The following RNF13 variants were observed in gnomAD, a reference collection of about 807,000 sequenced individuals.
RNF13 encodes E3 ubiquitin-protein ligase RNF13.
A neutral mutation model predicts 37.7 loss-of-function variants in RNF13; 19 were observed. The observed-to-expected ratio is 0.50, with a 90% CI of 0.35 to 0.74. The LOEUF (loss-of-function observed/expected upper bound fraction) is 0.74, where lower values mean the gene tolerates loss of function less well. Ranked by LOEUF, RNF13 falls within the 30% of genes least tolerant of loss-of-function variation. The pLI is 0.01. For missense variants in RNF13, 375 were observed against 453.0 expected, an observed-to-expected ratio of 0.83 and a Z score of 1.56; for synonymous variants, 144 against 157.8, an observed-to-expected ratio of 0.91 and a Z score of 0.65.
In RNF13 at chr3:149,860,268, A is replaced by AT. The variant is rs1331068088; in HGVS notation, c.195+7672_195+7673insT. Among the ~76,000 whole-genome samples, 412 of 91,468 alleles carry AT rather than the reference A, an allele frequency of 4.5e-3. 2 individuals carry two copies. The highest frequency in any genetic ancestry group is 6.2e-3 in the Non-Finnish European group (278 of 44,582). 60.0% of individuals were successfully genotyped at this position (91,468 alleles called of 152,430 possible). A position where few individuals can be genotyped will look rare whatever the true frequency, so the allele number is the denominator to read the frequency against. On this transcript the variant is annotated intron_variant, in intron 3 of 9. Coordinates refer to ENST00000392894, the MANE Select transcript of RNF13 (RefSeq NM_183381.3). ...GAGAGACTCCATCTAAAAAAAAAAA[A>AT]AAATATATATATATATATATATATA...
At chr3:149,894,967 G>A (rs1031496927) in intron 4 of RNF13, among the ~76,000 whole-genome samples, 1 of 152,112 alleles carries the variant, frequency 6.6e-6, no homozygotes, top group Non-Finnish European at 1.5e-5. Context: ...CTTTAGGAAA[G>A]ATCAAATAGC....
intron 8 of RNF13, among the ~76,000 whole-genome samples, chr3:149,956,730 G>C (rs980791355): frequency 1.3e-5 from 2 of 152,136 alleles, no homozygotes; most frequent in African/African-American, 4.8e-5. Context: ...ACATGAATCT[G>C]ATTTCTTCCA....
chr3:149,948,385 A>G (rs1189491131), intron 8 of RNF13, among the ~76,000 whole-genome samples: 2 of 152,114 alleles, frequency 1.3e-5, no homozygotes, highest in African/African-American at 2.4e-5. Context: ...GGAAAGGACT[A>G]TTACTTTTGT....
chr3:149,939,425 C>T lies in RNF13; in HGVS notation c.700+18198C>T, dbSNP rs1720033894. 3 of 537,992 alleles carry T rather than the reference C, an allele frequency of 5.6e-6. No individual in the cohort carries two copies. The East Asian group carries it at 1.4e-4, about 25-fold the overall frequency. 33.3% of individuals were successfully genotyped at this position (537,992 alleles called of 1,614,324 possible). A position where few individuals can be genotyped will look rare whatever the true frequency, so the allele number is the denominator to read the frequency against. ...TTCACATACTCCTCTTCTTCATCTTCTGACTCTGCATCTTCCTCCACAGCT... is the reference window on the plus strand; with the variant it reads ...TTCACATACTCCTCTTCTTCATCTTTTGACTCTGCATCTTCCTCCACAGCT... On this transcript the variant is annotated intron_variant, in intron 8 of 9. Transcript: ENST00000392894.
At chr3:149,930,380 A>AT (rs901781481) in intron 8 of RNF13, among the ~76,000 whole-genome samples, 1 of 152,206 alleles carries the variant, frequency 6.6e-6, no homozygotes, top group Non-Finnish European at 1.5e-5. Context: ...TGAGATTTTG[A>AT]TTGGGATTGC....
intron 4 of RNF13, among the ~76,000 whole-genome samples, chr3:149,875,822 G>C (rs1463415609): frequency 2.2e-5 from 2 of 89,504 alleles, no homozygotes; most frequent in African/African-American, 7.5e-5. Flanking sequence ...TGTATCCTCT[G>C]AAAAATACAG....
intron 1 of RNF13, among the ~76,000 whole-genome samples, chr3:149,821,143 T>C (rs1719958467): frequency 6.6e-6 from 1 of 152,176 alleles, no homozygotes; most frequent in African/African-American, 2.4e-5. Flanking sequence ...TGTCCAAGGA[T>C]TTATTTGAGA....
At chr3:149,927,461 C>G (rs565450827) in intron 8 of RNF13, among the ~76,000 whole-genome samples, 1 of 152,240 alleles carries the variant, frequency 6.6e-6, no homozygotes, top group South Asian at 2.1e-4. Context: ...AAAAAAGTAT[C>G]TGTTTAAGTC....
chr3:149,921,305 T>TATC, intron 8 of RNF13, 78 bp downstream of exon 8: 1 of 371,526 alleles, frequency 2.7e-6, no homozygotes. Context: ...AAAAAATTTT[T>TATC]ATTATTATTA....
intron 1 of RNF13, among the ~76,000 whole-genome samples, chr3:149,825,202 A>T (rs748433179): frequency 6.8e-6 from 1 of 147,620 alleles, no homozygotes; most frequent in Non-Finnish European, 1.5e-5. Context: ...TTTAAGGCTT[A>T]GTCTTGCTCT....
At chr3:149,921,742 A>C (rs1718148933) in intron 8 of RNF13, among the ~76,000 whole-genome samples, 1 of 152,144 alleles carries the variant, frequency 6.6e-6, no homozygotes, top group African/African-American at 2.4e-5. Context: ...TGCTATTGTG[A>C]ATAGTGCCAC....
In RNF13 at chr3:149,866,175, A is replaced by G. The variant is rs564743683; in HGVS notation, c.196-5854A>G. Among the ~76,000 whole-genome samples, 3 of 152,330 alleles carry G rather than the reference A, an allele frequency of 2.0e-5. No homozygotes were observed. In the East Asian group the frequency reaches 5.8e-4, roughly 29 times the overall value. ...GAGGGTCGTTGGATCTCACACAAGAAAGAATTCAGGACAAGTCTGCAGTGC... is the reference window on the plus strand; with the variant it reads ...GAGGGTCGTTGGATCTCACACAAGAGAGAATTCAGGACAAGTCTGCAGTGC... On this transcript the variant is annotated intron_variant, in intron 3 of 9. Coordinates refer to ENST00000392894, the MANE Select transcript of RNF13 (RefSeq NM_183381.3).
chr3:149,874,646 G>A (rs780609664), intron 4 of RNF13, among the ~76,000 whole-genome samples: 10 of 152,106 alleles, frequency 6.6e-5, no homozygotes, highest in Non-Finnish European at 1.2e-4. Context: ...TAAGTCACAT[G>A]TGATATAGCA....
At chr3:149,823,420 T>G (rs114785006) in intron 1 of RNF13, among the ~76,000 whole-genome samples, 1,829 of 152,304 alleles carry the variant, frequency 0.012, 31 homozygotes, top group African/African-American at 0.041. Context: ...TACAATGAAA[T>G]GCACATTTAT....
intron 5 of RNF13, among the ~76,000 whole-genome samples, chr3:149,899,860 G>T (rs942195776): frequency 2.6e-5 from 4 of 152,212 alleles, no homozygotes; most frequent in African/African-American, 7.2e-5. Context: ...TCAGAGTTCA[G>T]TTGAGAAACT....
chr3:149,851,924 T>A (rs974077926), intron 2 of RNF13, among the ~76,000 whole-genome samples: 10 of 152,338 alleles, frequency 6.6e-5, no homozygotes, highest in African/African-American at 2.2e-4. Flanking sequence ...AGCTTTGGAA[T>A]CTATATCTGT....
At chr3:149,960,190 T>C (rs1311682374) in intron 9 of RNF13, 54 bp downstream of exon 9, 1 of 1,209,080 alleles carries the variant, frequency 8.3e-7, no homozygotes. Context: ...TATATTTAGG[T>C]TCCATATTCC....
intron 8 of RNF13, among the ~76,000 whole-genome samples, chr3:149,941,164 G>C (rs912554697): frequency 4.6e-5 from 7 of 152,050 alleles, no homozygotes; most frequent in African/African-American, 1.7e-4. Flanking sequence ...ATGAACATGG[G>C]TGAAAATTTA....
At chr3:149,882,092 G>C (rs1442323708) in intron 4 of RNF13, among the ~76,000 whole-genome samples, 1 of 152,052 alleles carries the variant, frequency 6.6e-6, no homozygotes, top group Non-Finnish European at 1.5e-5. Flanking sequence ...TAAGCACAGA[G>C]AGAGGAAGTA....
Sources: gnomAD v4.1 joint callset for allele counts (sites outside exome capture counted in the v4.1 genomes callset) on GRCh38, gnomAD v4.1.1 for gene constraint, MANE v1.5 for transcripts, NCBI Gene and HGNC (gene_info 2026-07-23, HGNC 2026-07-21) for gene names.